The following MEF2C variants were observed in gnomAD, a reference collection of about 807,000 sequenced individuals.
MEF2C encodes the protein myocyte-specific enhancer factor 2C.
MEF2C carries 6 observed loss-of-function variants against 50.5 expected under a neutral mutation model. The ratio of observed to expected loss-of-function variants is 0.12; its 90% confidence interval spans 0.07 to 0.23. The LOEUF is 0.23. Ranked by LOEUF, MEF2C falls within the 10% of genes least tolerant of loss-of-function variation. MEF2C has a pLI of 1.00. For missense variants in MEF2C, 276 were observed against 605.0 expected (o/e 0.46, Z 5.70); for synonymous variants, 183 against 228.0 (o/e 0.80, Z 1.78).
chr5:88,746,715 T>C (rs986256367), intron 6 of MEF2C: 1 of 984,492 alleles, frequency 1.0e-6, no homozygotes, highest in African/African-American at 1.7e-5. Flanking sequence ...ATATTCAGCC[T>C]GACATATGAT....
At chr5:88,884,988 T>C (rs896131743), upstream of MEF2C, among the ~76,000 whole-genome samples, 3 of 152,192 alleles carry the variant, frequency 2.0e-5, no homozygotes, top group African/African-American at 7.2e-5. Context: ...TAAACCAAAC[T>C]ATTTTTTAAA....
intron 1 of MEF2C, among the ~76,000 whole-genome samples, chr5:88,862,325 C>T (rs958315200): frequency 1.3e-5 from 2 of 152,166 alleles, no homozygotes; most frequent in African/African-American, 4.8e-5. Context: ...CACACACACA[C>T]ACAGAGATAC....
intron 6 of MEF2C, chr5:88,733,921 G>A (rs1762737575): frequency 2.0e-6 from 2 of 985,170 alleles, no homozygotes; most frequent in African/African-American, 1.7e-5. Context: ...ATTCTCTAAA[G>A]CTAGATAAAT....
chr5:88,795,272 G>A (rs1580825837), intron 3 of MEF2C, among the ~76,000 whole-genome samples: 1 of 152,018 alleles, frequency 6.6e-6, no homozygotes, highest in Admixed American at 6.6e-5. Flanking sequence ...CTTCCTATCC[G>A]TGAGCATGGA....
intron 6 of MEF2C, chr5:88,738,360 A>T (rs1325311857): frequency 1.0e-6 from 1 of 985,282 alleles, no homozygotes; most frequent in African/African-American, 1.7e-5. Context: ...TCAGAAGAGT[A>T]CCAGGCACTT....
At chr5:88,738,369 T>G in intron 6 of MEF2C, 2 of 985,328 alleles carry the variant, frequency 2.0e-6, no homozygotes, top group Non-Finnish European at 2.4e-6. Context: ...TACCAGGCAC[T>G]TGTAACTGCT....
At chr5:88,894,314 T>C (rs1023801122) in intron 1 of MEF2C, among the ~76,000 whole-genome samples, 3 of 152,232 alleles carry the variant, frequency 2.0e-5, no homozygotes, top group African/African-American at 7.2e-5. Flanking sequence ...TTAGCTATGA[T>C]GCTATACTGC....
intron 1 of MEF2C, among the ~76,000 whole-genome samples, chr5:88,856,875 G>T (rs1012068403): frequency 6.6e-6 from 1 of 152,208 alleles, no homozygotes; most frequent in Non-Finnish European, 1.5e-5. Context: ...AATGCAGAAG[G>T]GAAATATGTG....
chr5:88,813,760 A>T (rs2153150326), intron 2 of MEF2C, among the ~76,000 whole-genome samples: 1 of 152,030 alleles, frequency 6.6e-6, no homozygotes, highest in African/African-American at 2.4e-5. Flanking sequence ...ATAATTTTTT[A>T]TTTTTTTATT....
At chr5:88,842,576 A>C (rs1000641596) in intron 1 of MEF2C, among the ~76,000 whole-genome samples, 2 of 128,314 alleles carry the variant, frequency 1.6e-5, no homozygotes, top group African/African-American at 7.2e-5. Flanking sequence ...GTGAAAAAAA[A>C]TTTCCTGAGA....
intron 3 of MEF2C, among the ~76,000 whole-genome samples, chr5:88,799,868 T>TCACA (rs1318269323): frequency 2.1e-5 from 2 of 95,136 alleles, no homozygotes; most frequent in African/African-American, 7.9e-5. Flanking sequence ...TCTCTCTCTC[T>TCACA]CTCACACACA....
At chr5:88,897,090 A>T (rs994185418) in intron 1 of MEF2C, among the ~76,000 whole-genome samples, 25 of 152,156 alleles carry the variant, frequency 1.6e-4, no homozygotes, top group African/African-American at 6.0e-4. Flanking sequence ...TACCTTCACT[A>T]AAGGAGCTTA....
chr5:88,876,063 GT>G (rs33921751), intron 1 of MEF2C, among the ~76,000 whole-genome samples: 40,593 of 122,576 alleles, frequency 0.33, 4,822 homozygotes, highest in African/African-American at 0.46. Context: ...AGTAACTGGA[GT>G]TTTTTTTTTT....
chr5:88,782,520 C>T (rs1288183304), intron 3 of MEF2C, among the ~76,000 whole-genome samples: 1 of 151,904 alleles, frequency 6.6e-6, no homozygotes, highest in African/African-American at 2.4e-5. Context: ...AACAAAAAAC[C>T]TCCTGAGGCC....
Position 88,807,032 on chromosome 5 carries a change from A to AT in MEF2C, c.55-2232dup, listed in dbSNP as rs886333184. ...TATATGTGATAAATTTTCCCATGAA[A>AT]TTTTTTTAACAACTCATATGCAAAA... On this transcript the variant is annotated intron_variant, in intron 2 of 10. Transcript: ENST00000504921. 6.6e-5 allele frequency among the ~76,000 whole-genome samples: 10 copies of AT among 152,296 alleles called. No homozygotes were observed. In the East Asian group the frequency reaches 1.9e-3, roughly 29 times the overall value.
intron 1 of MEF2C, among the ~76,000 whole-genome samples, chr5:88,853,803 A>G (rs1242761940): frequency 6.6e-6 from 1 of 152,224 alleles, no homozygotes; most frequent in African/African-American, 2.4e-5. Context: ...TGCTCATCAC[A>G]AAACAAATAA....
intron 6 of MEF2C, chr5:88,736,880 G>T (rs1764349697): frequency 1.0e-6 from 1 of 985,312 alleles, no homozygotes; most frequent in Non-Finnish European, 1.2e-6. Context: ...TCAATAACTG[G>T]CAGTATTGGC....
At chr5:88,853,228 A>AT (rs956849971) in intron 1 of MEF2C, among the ~76,000 whole-genome samples, 2 of 152,056 alleles carry the variant, frequency 1.3e-5, no homozygotes, top group East Asian at 1.9e-4. Context: ...TCTGTTTTGG[A>AT]TTTTTTTGTT....
intron 6 of MEF2C, chr5:88,734,877 A>G (rs1156486173): frequency 1.0e-6 from 1 of 978,384 alleles, no homozygotes; most frequent in African/African-American, 1.8e-5. Flanking sequence ...ATTTTGAACC[A>G]TGATGACACT....
Sources: allele counts gnomAD v4.1 joint callset (sites outside exome capture counted in the v4.1 genomes callset), GRCh38; gene constraint gnomAD v4.1.1; transcripts MANE v1.5; gene names NCBI Gene and HGNC (gene_info 2026-07-23, HGNC 2026-07-21).